Variants in GUCY2D observed in about 807,000 individuals in gnomAD.
GUCY2D encodes guanylate cyclase 2D, retinal, also known as retinal guanylyl cyclase 1.
In GUCY2D, 70 loss-of-function variants were observed where a neutral mutation model predicts 101.3. The observed-to-expected ratio is 0.69, with a 90% CI of 0.57 to 0.84. GUCY2D has a LOEUF of 0.84. Among genes scored for constraint, GUCY2D ranks in the 40% least tolerant of loss-of-function variants. The probability of loss-of-function intolerance (pLI) is 0.00; values close to 1 mark genes in which losing one functional copy is unlikely to be tolerated. For synonymous variants in GUCY2D, 688 were observed against 670.7 expected, an observed-to-expected ratio of 1.03 and a Z score of -0.40; for missense variants, 1,460 against 1,542.5, an observed-to-expected ratio of 0.95 and a Z score of 0.90.
rs1298131011 is a variant in GUCY2D at position 8,003,719 on chromosome 17, T to C, written c.672T>C (p.Ser224=). ...SVTSMEPLDL[S]GAREALRKVR... ...CTTCCATGGAGCCCTTGGACCTGTC[T>C]GGAGCCCGGGAGGCCCTGAGGAAGG... Residue 224 remains serine (S), a synonymous_variant, in exon 2 of 20, where the codon TCT becomes TCC. Coordinates refer to ENST00000254854, the MANE Select transcript of GUCY2D (RefSeq NM_000180.4). The C allele has an allele frequency of 6.3e-7, 1 of 1,598,344 alleles. No individual in the cohort carries two copies. The highest frequency in any genetic ancestry group is 1.7e-5 in the Admixed American group (1 of 60,000).
intron 6 of GUCY2D, among the ~76,000 whole-genome samples, 164 bp downstream of exon 6, chr17:8,007,692 AG>A (rs1480225589): frequency 1.3e-5 from 2 of 152,276 alleles, no homozygotes; most frequent in Middle Eastern, 6.8e-3. Flanking sequence ...CTGTGCAATG[AG>A]GGTAACAGTA....
rs776042543 is a variant in GUCY2D, at chr17:8,006,482, C to T, written c.1146C>T (p.Ile382=). ...WVSGAAVARH[I]RDAQVPGFCG... is the part of the protein sequence containing the mutation. ...CCGGAGCAGCTGTGGCCCGCCACATCCGGGATGCGCAGGTCCCTGGCTTCT... is the reference window on the plus strand; with the variant it reads ...CCGGAGCAGCTGTGGCCCGCCACATTCGGGATGCGCAGGTCCCTGGCTTCT... The change falls in exon 4 of 20, where the codon ATC becomes ATT. Residue 382 remains isoleucine, a synonymous_variant. Coordinates refer to ENST00000254854, the MANE Select transcript of GUCY2D (RefSeq NM_000180.4). 5.6e-6 allele frequency: 9 copies of T among 1,607,458 alleles called. No homozygotes were observed. The highest frequency in any genetic ancestry group is 7.6e-6 in the Non-Finnish European group (9 of 1,179,966).
chr17:8,016,602 C>G, intron 19 of GUCY2D, 48 bp downstream of exon 19: 2 of 949,816 alleles, frequency 2.1e-6, no homozygotes, highest in Non-Finnish European at 3.3e-6. Context: ...CCCTCTGCTG[C>G]CTGCAGAACG....
At position 8,009,542 on chromosome 17, in the gene GUCY2D, C is replaced by T; in HGVS notation, c.1705C>T (p.Gln569Ter). 1 of 1,613,788 alleles carries T rather than the reference C, an allele frequency of 6.2e-7. No individual in the cohort carries two copies. The highest frequency in any genetic ancestry group is 8.5e-7 in the Non-Finnish European group (1 of 1,179,692). The change falls in exon 8 of 20, where the codon CAG (glutamine) becomes TAG (stop). Residue 569 changes from glutamine to a stop codon, truncating the protein, a stop_gained. Coordinates refer to ENST00000254854, the MANE Select transcript of GUCY2D (RefSeq NM_000180.4). LOFTEE classifies it high-confidence loss of function. ...TTGGCTGAAGAAATTCCCAGGGGAT[C>T]AGCACATAGCTATCCGCCCAGCAAC... ...RVWLKKFPGD[Q>*]HIAIRPATKT...
rs774615995 is a variant in GUCY2D, at chr17:8,014,079, T to C, written c.2412+51T>C. 6.5e-7 allele frequency: 1 copy of C among 1,534,416 alleles called. No homozygotes were observed. Among genetic ancestry groups the C allele is most frequent in the Non-Finnish European group, 9.0e-7 (1 of 1,114,824 alleles). On this transcript the variant is annotated intron_variant, in intron 12 of 19. Coordinates refer to ENST00000254854, the MANE Select transcript of GUCY2D (RefSeq NM_000180.4). The surrounding 1 kb of genome is among the most constrained non-coding windows in gnomAD (Gnocchi z 4.0). ...CTGGGCTGGCCTCTGGGATCCCAGATGCTTGTCAGCAACCTGAGACAGCTG... is the reference window on the plus strand; with the variant it reads ...CTGGGCTGGCCTCTGGGATCCCAGACGCTTGTCAGCAACCTGAGACAGCTG...
chr17:8,015,702 G>A (rs1279662927), intron 15 of GUCY2D, 41 bp from the exon 16 acceptor site: 2 of 1,461,128 alleles, frequency 1.4e-6, no homozygotes, highest in East Asian at 4.9e-5. Flanking sequence ...GCAGCCCAGG[G>A]CCGGCCCTGC....
At position 8,012,935 on chromosome 17, in the gene GUCY2D, C is replaced by T. The variant is rs188638994; in HGVS notation, c.2114-168C>T. ...TGAAGGGCAAGGCCTATTTGCCAGG[C>T]TTTCTCTGAGATGGCTCCTAGAGAT... On this transcript the variant is annotated intron_variant, in intron 10 of 19. Transcript: ENST00000254854. 2.1e-3 allele frequency among the ~76,000 whole-genome samples: 319 copies of T among 152,326 alleles called. 1 individual carries two copies. The highest frequency in any genetic ancestry group is 7.4e-3 in the African/African-American group (307 of 41,566).
In GUCY2D at chr17:8,014,157, T is replaced by C. The variant is rs762283787; in HGVS notation, c.2412+129T>C. The C allele has an allele frequency of 4.0e-5, 34 of 848,190 alleles. No homozygotes were observed. The highest frequency in any genetic ancestry group is 6.3e-5 in the Non-Finnish European group (32 of 507,808). The allele number at this position is 848,190 out of a possible 1,614,324, so 52.5% of individuals were successfully genotyped here. ...GCCTTCCAGGCTACCTCCTAAGGAG[T>C]AGCCTGAAGACTCGGAGTTTGGGGG... On this transcript the variant is annotated intron_variant, in intron 12 of 19. Coordinates refer to ENST00000254854, the MANE Select transcript of GUCY2D (RefSeq NM_000180.4). The surrounding 1 kb of genome is among the most constrained non-coding windows in gnomAD (Gnocchi z 4.0).
chr17:8,016,514 C>T lies in GUCY2D; in HGVS notation c.3296C>T (p.Pro1099Leu), dbSNP rs948784762. The change falls in exon 19 of 20, where the codon CCG (proline) becomes CTG (leucine). Residue 1099 changes from proline (P) to leucine (L), a missense_variant. Pro to Leu is a moderately conservative substitution (Grantham distance 98, BLOSUM62 -3). Coordinates refer to ENST00000254854, the MANE Select transcript of GUCY2D (RefSeq NM_000180.4). The part of the protein sequence containing the change: ...ERRRKLEKAR[P>L]GQFS ...CGACGGAAGCTGGAGAAGGCGCGGC[C>T]GGGCCAGTTCTCTTGAGAAGTGAGG... 2 of 1,569,394 alleles carry T rather than the reference C, an allele frequency of 1.3e-6. No homozygotes were observed. The highest frequency in any genetic ancestry group is 2.3e-5 in the East Asian group (1 of 42,858).
At chr17:8,012,117 A>T in intron 8 of GUCY2D, 27 bp from the exon 9 acceptor site, 1 of 1,558,520 alleles carries the variant, frequency 6.4e-7, no homozygotes, top group East Asian at 2.2e-5. Context: ...CTGGGCAGAA[A>T]ATGCAAGTCA....
intron 15 of GUCY2D, 41 bp from the exon 16 acceptor site, chr17:8,015,702 G>C (rs1279662927): frequency 3.4e-6 from 5 of 1,461,128 alleles, no homozygotes; most frequent in Middle Eastern, 4.1e-4. Context: ...GCAGCCCAGG[G>C]CCGGCCCTGC....
chr17:8,014,036 G>C lies in GUCY2D; in HGVS notation c.2412+8G>C. On this transcript the variant is annotated splice_region_variant and intron_variant, in intron 12 of 19. Coordinates refer to ENST00000254854, the MANE Select transcript of GUCY2D (RefSeq NM_000180.4). This position sits in a 1 kb window ranked among gnomAD's most constrained non-coding sequence, Gnocchi z 4.0. Reference sequence around the variant, plus strand: ...GACCACACCTTCGACCTGGTCAGGGGCTGGGAGTGGGCAAGGACTGGGCTG... The same window carrying C: ...GACCACACCTTCGACCTGGTCAGGGCCTGGGAGTGGGCAAGGACTGGGCTG... 6.2e-7 allele frequency: 1 copy of C among 1,611,406 alleles called. No individual in the cohort carries two copies.
At chr17:8,017,595 T>C (rs965989164) in intron 19 of GUCY2D, among the ~76,000 whole-genome samples, 1 of 152,236 alleles carries the variant, frequency 6.6e-6, no homozygotes, top group African/African-American at 2.4e-5. Context: ...AAGGAAATTG[T>C]GCCACACCTT....
In GUCY2D at chr17:8,014,805, G is replaced by C. The variant is rs8068722; in HGVS notation, c.2576+41G>C. The C allele has an allele frequency of 6.0e-3, 9,718 of 1,606,368 alleles. 514 individuals are homozygous for C. In the African/African-American group the frequency reaches 0.11, roughly 18 times the overall value. On this transcript the variant is annotated intron_variant, in intron 13 of 19. Transcript: ENST00000254854. This position sits in a 1 kb window ranked among gnomAD's most constrained non-coding sequence, Gnocchi z 4.0. ...AAGGGGTGGGCTGGGAGGGCAGCTG[G>C]AGCCCAGCCAGGTAGAGTGGCCCCC...
chr17:8,014,441 T>C lies in GUCY2D; in HGVS notation c.2413-160T>C. 1 of 726,624 alleles carries C rather than the reference T, an allele frequency of 1.4e-6. No individual in the cohort carries two copies. The highest frequency in any genetic ancestry group is 2.5e-6 in the Non-Finnish European group (1 of 406,270). The allele number at this position is 726,624 out of a possible 1,614,324, so 45.0% of individuals were successfully genotyped here. A position where few individuals can be genotyped will look rare whatever the true frequency, so the allele number is the denominator to read the frequency against. ...CTCCTAATCGTGTCTGAAAACACAG[T>C]GCCCAGCACCCCGGGGTGCTTGATG... On this transcript the variant is annotated intron_variant, in intron 12 of 19. Coordinates refer to ENST00000254854, the MANE Select transcript of GUCY2D (RefSeq NM_000180.4). This position sits in a 1 kb window ranked among gnomAD's most constrained non-coding sequence, Gnocchi z 4.0.
chr17:8,006,262 G>A, intron 3 of GUCY2D, 101 bp from the exon 4 acceptor site: 1 of 855,508 alleles, frequency 1.2e-6, no homozygotes, highest in Admixed American at 2.0e-5. Context: ...CTAACTGGAA[G>A]GTGGCAACAG....
At position 8,013,474 on chromosome 17, in the gene GUCY2D, TTGATGC is replaced by T; in HGVS notation, c.2263+225_2263+230del. 1 of 603,758 alleles carries T rather than the reference TTGATGC, an allele frequency of 1.7e-6. No individual in the cohort carries two copies. The highest frequency in any genetic ancestry group is 2.6e-5 in the Admixed American group (1 of 37,832). 37.4% of individuals were successfully genotyped at this position (603,758 alleles called of 1,614,324 possible). The stretch of plus-strand genomic sequence containing the variant: ...CCAGACCACAACAGCTTCCTCTTTC[TTGATGC>T]TGGAACCAAACTGTTTCCACAACTG... On this transcript the variant is annotated intron_variant, in intron 11 of 19. Transcript: ENST00000254854. The surrounding 1 kb of genome is among the most constrained non-coding windows in gnomAD (Gnocchi z 5.0).
chr17:8,013,255 A>G lies in GUCY2D; in HGVS notation c.2263+3A>G. 1 of 1,613,944 alleles carries G rather than the reference A, an allele frequency of 6.2e-7. No individual in the cohort carries two copies. Among genetic ancestry groups the G allele is most frequent in the Non-Finnish European group, 8.5e-7 (1 of 1,179,908 alleles). ...CATGCTGGAGCTCACTCCCGAGGGT[A>G]AGGCTGCCCTGTGCGTGGAGTTCGG... On this transcript the variant is annotated splice_donor_region_variant and intron_variant, in intron 11 of 19. Transcript: ENST00000254854. The surrounding 1 kb of genome is among the most constrained non-coding windows in gnomAD (Gnocchi z 5.0).
intron 3 of GUCY2D, among the ~76,000 whole-genome samples, chr17:8,005,901 G>T (rs1479784132): frequency 2.0e-5 from 3 of 152,096 alleles, no homozygotes; most frequent in African/African-American, 7.2e-5. Context: ...TTTTTTGTTT[G>T]TTTGTTTGTT....
Sources: allele counts gnomAD v4.1 joint callset (sites outside exome capture counted in the v4.1 genomes callset), GRCh38; gene constraint gnomAD v4.1.1; non-coding constraint Gnocchi (gnomAD v3.1); transcripts MANE v1.5; gene names NCBI Gene and HGNC (gene_info 2026-07-23, HGNC 2026-07-21).